Variants in FOXN3 observed in about 807,000 individuals in gnomAD.
The protein encoded by FOXN3 is forkhead box N3.
Under a neutral mutation model 38.4 loss-of-function variants are expected in FOXN3, and 7 were observed. The ratio of observed to expected loss-of-function variants is 0.18; its 90% CI spans 0.10 to 0.34. The LOEUF is 0.34. Ranked by LOEUF, FOXN3 falls within the 10% of genes least tolerant of loss-of-function variation. The pLI is 1.00. For synonymous variants in FOXN3, 230 were observed against 242.2 expected, an observed-to-expected ratio of 0.95 and a Z score of 0.47; for missense variants, 456 against 613.4, an observed-to-expected ratio of 0.74 and a Z score of 2.71.
At chr14:89,208,437 A>T (rs530064200) in intron 4 of FOXN3, among the ~76,000 whole-genome samples, 10 of 152,230 alleles carry the variant, frequency 6.6e-5, no homozygotes, top group African/African-American at 4.8e-5. Flanking sequence ...CAACGACTCA[A>T]ATTAATATGC....
At chr14:89,566,868 C>A (rs1895364212) in intron 1 of FOXN3, among the ~76,000 whole-genome samples, 1 of 151,796 alleles carries the variant, frequency 6.6e-6, no homozygotes. Flanking sequence ...CTCTCACCCC[C>A]CTCCTCTTCC....
At chr14:89,521,524 T>A (rs1407024429) in intron 1 of FOXN3, among the ~76,000 whole-genome samples, 1 of 152,018 alleles carries the variant, frequency 6.6e-6, no homozygotes, top group Non-Finnish European at 1.5e-5. Context: ...TATCTATCCA[T>A]ATATAGGAAT....
chr14:89,347,794 A>C (rs1888808252), intron 3 of FOXN3, among the ~76,000 whole-genome samples: 1 of 152,156 alleles, frequency 6.6e-6, no homozygotes. Flanking sequence ...TCTACGAAAA[A>C]TACAAAAATT....
rs114412841 is a variant in FOXN3 at position 89,275,652 on chromosome 14, G to A, written c.745+5298C>T. Among the ~76,000 whole-genome samples, 1,081 of 152,326 alleles carry A rather than the reference G, an allele frequency of 7.1e-3. 19 individuals are homozygous for A. Among genetic ancestry groups the A allele is most frequent in the African/African-American group, 0.025 (1,040 of 41,568 alleles). On this transcript the variant is annotated intron_variant, in intron 4 of 5. Coordinates refer to ENST00000557258, the MANE Select transcript of FOXN3 (RefSeq NM_005197.4). ...AAAAGTTCGTAGCAGAGTTATGGGA[G>A]GGGTAAGAGTTGTGGAGAAGGGGTG...
At chr14:89,210,072 G>A (rs1888481764) in intron 4 of FOXN3, among the ~76,000 whole-genome samples, 1 of 152,198 alleles carries the variant, frequency 6.6e-6, no homozygotes, top group Non-Finnish European at 1.5e-5. Flanking sequence ...CCAGAACTGT[G>A]GCTTGACACA....
intron 3 of FOXN3, among the ~76,000 whole-genome samples, chr14:89,316,652 C>G (rs528392186): frequency 6.6e-6 from 1 of 150,912 alleles, no homozygotes; most frequent in East Asian, 1.9e-4. Context: ...TGAGCCACTG[C>G]GCCCAGCCTA....
intron 4 of FOXN3, among the ~76,000 whole-genome samples, chr14:89,242,250 T>C (rs1227593220): frequency 6.6e-6 from 1 of 152,170 alleles, no homozygotes; most frequent in Admixed American, 6.5e-5. Flanking sequence ...CCAGCTATTA[T>C]ACATGCTTGG....
intron 3 of FOXN3, chr14:89,291,122 G>C (rs943625566): frequency 5.8e-6 from 3 of 515,276 alleles, no homozygotes; most frequent in Non-Finnish European, 1.2e-5. Context: ...TAGTGTAAAA[G>C]GTGGCAGCAT....
chr14:89,560,597 T>A (rs1020144869), intron 1 of FOXN3, among the ~76,000 whole-genome samples: 4 of 152,230 alleles, frequency 2.6e-5, no homozygotes, highest in Non-Finnish European at 5.9e-5. Flanking sequence ...AGTTTACAAA[T>A]CTGAGTCTCA....
At chr14:89,502,402 A>G (rs1207508748) in intron 1 of FOXN3, among the ~76,000 whole-genome samples, 1 of 152,206 alleles carries the variant, frequency 6.6e-6, no homozygotes, top group Non-Finnish European at 1.5e-5. Context: ...GAGCTCTGCC[A>G]AAGTTGGGTA....
chr14:89,516,769 C>G (rs1894213434), intron 1 of FOXN3, among the ~76,000 whole-genome samples: 1 of 151,924 alleles, frequency 6.6e-6, no homozygotes, highest in Admixed American at 6.6e-5. Context: ...TGCCATGTTG[C>G]CCAGGCTGGT....
At chr14:89,513,150 G>GAAAAAAAA (rs36003791) in intron 1 of FOXN3, among the ~76,000 whole-genome samples, 56 of 101,786 alleles carry the variant, frequency 5.5e-4, no homozygotes, top group Non-Finnish European at 7.9e-4. Flanking sequence ...TCCATCTCAG[G>GAAAAAAAA]AAAAAAAAAA....
intron 1 of FOXN3, among the ~76,000 whole-genome samples, chr14:89,539,306 CTCCTAGAA>C (rs1894752490): frequency 6.6e-6 from 1 of 152,094 alleles, no homozygotes; most frequent in African/African-American, 2.4e-5. Context: ...AAAACAGTAT[CTCCTAGAA>C]AAGGATATAA....
chr14:89,252,452 C>T (rs1006662806), intron 4 of FOXN3, among the ~76,000 whole-genome samples: 5 of 151,990 alleles, frequency 3.3e-5, no homozygotes, highest in Admixed American at 1.3e-4. Flanking sequence ...GTCAGGAGTT[C>T]GAGACCAGCC....
At chr14:89,238,921 G>A (rs796301188) in intron 4 of FOXN3, among the ~76,000 whole-genome samples, 38 of 152,198 alleles carry the variant, frequency 2.5e-4, no homozygotes, top group African/African-American at 8.9e-4. Flanking sequence ...TTGCCGCCAC[G>A]GAAATGACAA....
At chr14:89,317,710 C>G (rs1213575254) in intron 3 of FOXN3, among the ~76,000 whole-genome samples, 3 of 151,998 alleles carry the variant, frequency 2.0e-5, no homozygotes, top group Admixed American at 6.6e-5. Context: ...TCCTTTCCCC[C>G]CCCATAGAAA....
In FOXN3 at chr14:89,425,062, C is replaced by CTTT. The variant is rs3994032; in HGVS notation, c.-14-12575_-14-12573dup. On this transcript the variant is annotated intron_variant, in intron 1 of 6. Transcript: ENST00000345097. ...GTTGTGTTTTGTTTTGTTTTCTTTT[C>CTTT]TTTTTTTTTTTTTTTTTTTTGAGAC... is the stretch of plus-strand genomic sequence containing the variant. 6.6e-3 allele frequency among the ~76,000 whole-genome samples: 690 copies of CTTT among 104,140 alleles called. 35 individuals are homozygous for CTTT. The highest frequency in any genetic ancestry group is 0.012 in the African/African-American group (305 of 26,146). The allele number at this position is 104,140 out of a possible 152,430, so 68.3% of individuals were successfully genotyped here. A position where few individuals can be genotyped will look rare whatever the true frequency, so the allele number is the denominator to read the frequency against.
chr14:89,179,372 C>A (rs1887605614), intron 5 of FOXN3, among the ~76,000 whole-genome samples: 1 of 152,122 alleles, frequency 6.6e-6, no homozygotes, highest in African/African-American at 2.4e-5. Context: ...GGGAGTTTGA[C>A]CTTGCTTCTC....
intron 3 of FOXN3, among the ~76,000 whole-genome samples, chr14:89,311,553 GCA>G (rs1887549058): frequency 1.3e-5 from 2 of 150,998 alleles, no homozygotes; most frequent in African/African-American, 2.4e-5. Context: ...GTGGCCGGGT[GCA>G]GTGGCTCATG....
Sources: gnomAD v4.1 joint callset for allele counts (sites outside exome capture counted in the v4.1 genomes callset) on GRCh38, gnomAD v4.1.1 for gene constraint, MANE v1.5 for transcripts, NCBI Gene and HGNC (gene_info 2026-07-23, HGNC 2026-07-21) for gene names.